The following PUDP variants were observed in gnomAD, a reference collection of about 807,000 sequenced individuals.
The protein encoded by PUDP is pseudouridine-5'-phosphatase.
In PUDP, 8 loss-of-function variants were observed where a neutral mutation model predicts 9.4. The observed-to-expected ratio is 0.85, with a 90% CI of 0.50 to 1.53. The LOEUF (loss-of-function observed/expected upper bound fraction) is 1.53. Among genes scored for constraint, PUDP ranks in the 40% most tolerant of loss-of-function variants. The probability of loss-of-function intolerance (pLI) is 0.00; values close to 1 mark genes in which losing one functional copy is unlikely to be tolerated. For missense variants in PUDP, 188 were observed against 189.7 expected, an observed-to-expected ratio of 0.99 and a Z score of 0.05; for synonymous variants, 99 against 80.7, an observed-to-expected ratio of 1.23 and a Z score of -1.22.
chrX:6,767,150 C>T (rs1236066937), intron 3 of PUDP, among the ~76,000 whole-genome samples: 3 of 112,981 alleles, frequency 2.7e-5, no homozygotes, highest in African/African-American at 9.6e-5. Flanking sequence ...ATTGAATAGG[C>T]CCAGCCTTGT....
At chrX:6,924,023 CCTGA>C (rs1427725384) in intron 3 of PUDP, among the ~76,000 whole-genome samples, 1 of 111,138 alleles carries the variant, frequency 9.0e-6, no homozygotes, top group African/African-American at 3.3e-5. Flanking sequence ...ATAACATCCA[CCTGA>C]CTCACACCTT....
intron 3 of PUDP, among the ~76,000 whole-genome samples, chrX:6,769,001 C>T (rs1038549597): frequency 8.9e-6 from 1 of 112,055 alleles, no homozygotes; most frequent in African/African-American, 3.2e-5. Flanking sequence ...GAAAGTAGCA[C>T]ATTTTGTACA....
chrX:6,727,393 T>G (rs1226032666), intron 3 of PUDP, among the ~76,000 whole-genome samples: 1 of 112,070 alleles, frequency 8.9e-6, no homozygotes, highest in African/African-American at 3.2e-5. Flanking sequence ...AAATATAAAT[T>G]TATAAATTAA....
chrX:6,781,457 A>G (rs1925561194), intron 3 of PUDP, among the ~76,000 whole-genome samples: 1 of 111,450 alleles, frequency 9.0e-6, no homozygotes, highest in Admixed American at 9.5e-5. Context: ...TTCCCTCCCA[A>G]TTTTGGACCC....
At chrX:7,002,237 G>T (rs1000867771) in intron 1 of PUDP, among the ~76,000 whole-genome samples, 3 of 111,952 alleles carry the variant, frequency 2.7e-5, no homozygotes, top group Non-Finnish European at 5.6e-5. Flanking sequence ...ATGAGACATA[G>T]ATATTGTTTT....
chrX:7,047,754 T>C (rs1930003232), downstream of PUDP, among the ~76,000 whole-genome samples: 1 of 112,634 alleles, frequency 8.9e-6, no homozygotes, highest in African/African-American at 3.2e-5. Flanking sequence ...GCCGACTGCT[T>C]GTGGAGCAGA....
intron 3 of PUDP, among the ~76,000 whole-genome samples, chrX:6,764,559 T>C (rs1925262052): frequency 8.9e-6 from 1 of 112,113 alleles, no homozygotes. Context: ...TTGATATGTA[T>C]GGCTTGCATG....
chrX:7,080,781 G>A (rs1449519127), intron 2 of PUDP, among the ~76,000 whole-genome samples: 2 of 110,442 alleles, frequency 1.8e-5, no homozygotes, highest in Non-Finnish European at 1.9e-5. Context: ...AGACAGTCAC[G>A]TGTGGCAGTG....
chrX:7,006,151 A>G (rs779842486), intron 1 of PUDP, among the ~76,000 whole-genome samples: 5 of 112,072 alleles, frequency 4.5e-5, no homozygotes, highest in Non-Finnish European at 9.4e-5. Flanking sequence ...TGAGGTACCA[A>G]TATCTGTTTG....
chrX:6,907,226 C>T (rs746405202), intron 3 of PUDP, among the ~76,000 whole-genome samples: 1 of 111,329 alleles, frequency 9.0e-6, no homozygotes, highest in Admixed American at 9.6e-5. Context: ...TCACTCTGCA[C>T]TTCTCCTTGC....
chrX:6,765,644 T>C (rs181218361), intron 3 of PUDP, among the ~76,000 whole-genome samples: 1 of 111,791 alleles, frequency 8.9e-6, no homozygotes, highest in South Asian at 3.7e-4. Context: ...AAAACATTAG[T>C]GAGAAATGAC....
At chrX:7,033,597 A>T (rs997168762) in intron 1 of PUDP, among the ~76,000 whole-genome samples, 6 of 111,580 alleles carry the variant, frequency 5.4e-5, no homozygotes, top group African/African-American at 2.0e-4. Context: ...GGCTGAGTGT[A>T]GGGTGTGGAG....
chrX:6,729,449 A>T (rs1288488774), intron 3 of PUDP, among the ~76,000 whole-genome samples: 4 of 112,223 alleles, frequency 3.6e-5, no homozygotes, highest in Non-Finnish European at 7.5e-5. Context: ...CCTTGGGCAC[A>T]TGTTGTCAGG....
chrX:6,997,782 G>C (rs911540385), intron 1 of PUDP, among the ~76,000 whole-genome samples: 1 of 111,451 alleles, frequency 9.0e-6, no homozygotes, highest in Admixed American at 9.6e-5. Context: ...TAGAAGTTAC[G>C]TGAGATTGCT....
At chrX:6,745,080 T>C (rs1420580742) in intron 3 of PUDP, among the ~76,000 whole-genome samples, 2 of 111,762 alleles carry the variant, frequency 1.8e-5, no homozygotes, top group Non-Finnish European at 3.8e-5. Context: ...ATAGTCCTGC[T>C]CGAAAATTGC....
At chrX:6,751,914 A>G (rs1925095026) in intron 3 of PUDP, among the ~76,000 whole-genome samples, 2 of 109,915 alleles carry the variant, frequency 1.8e-5, no homozygotes, top group Admixed American at 1.9e-4. Flanking sequence ...GCTTCTTATA[A>G]CCCCTCTCTG....
intron 3 of PUDP, among the ~76,000 whole-genome samples, chrX:7,056,910 C>G (rs909937025): frequency 8.9e-6 from 1 of 112,324 alleles, no homozygotes; most frequent in Non-Finnish European, 1.9e-5. Flanking sequence ...GTTCTTTTCA[C>G]TCTACCCAGC....
intron 3 of PUDP, among the ~76,000 whole-genome samples, chrX:6,839,014 CAAAT>C (rs1441604074): frequency 8.9e-6 from 1 of 111,904 alleles, no homozygotes; most frequent in Admixed American, 9.5e-5. Flanking sequence ...GTCTTTCTGA[CAAAT>C]TGGTTCAGAG....
chrX:6,928,291 C>A (rs1290929914), intron 3 of PUDP, among the ~76,000 whole-genome samples: 1 of 110,995 alleles, frequency 9.0e-6, no homozygotes, highest in African/African-American at 3.3e-5. Context: ...AAGAAAAAAA[C>A]CACTGTTCTC....
Sources: allele counts gnomAD v4.1 joint callset (sites outside exome capture counted in the v4.1 genomes callset), GRCh38; gene constraint gnomAD v4.1.1; transcripts MANE v1.5; gene names NCBI Gene and HGNC (gene_info 2026-07-23, HGNC 2026-07-21).